The following PRKCE variants were observed in gnomAD, a reference collection of about 807,000 sequenced individuals.
PRKCE encodes protein kinase C epsilon, also known as protein kinase C epsilon type.
A neutral mutation model predicts 85.4 loss-of-function variants in PRKCE; 16 were observed. That is an observed-to-expected ratio of 0.19 (90% confidence interval 0.13 to 0.28). The LOEUF is 0.28. Among genes scored for constraint, PRKCE ranks in the 10% least tolerant of loss-of-function variants. The probability of loss-of-function intolerance (pLI) is 1.00; values close to 1 mark genes in which losing one functional copy is unlikely to be tolerated. For missense variants in PRKCE, 573 were observed against 975.2 expected, an observed-to-expected ratio of 0.59 and a Z score of 5.49; for synonymous variants, 388 against 371.5, an observed-to-expected ratio of 1.04 and a Z score of -0.51.
rs527671256 is a variant in PRKCE at position 46,152,265 on chromosome 2, T to G, written c.1920+1036T>G. 3.9e-5 allele frequency among the ~76,000 whole-genome samples: 6 copies of G among 151,918 alleles called. No individual in the cohort carries two copies. The East Asian group carries it at 1.2e-3, about 29-fold the overall frequency. On this transcript the variant is annotated intron_variant, in intron 13 of 14. Coordinates refer to ENST00000306156, the MANE Select transcript of PRKCE (RefSeq NM_005400.3). ...GGTGCTATCTTGGCTCACTGCAATCTCCTCCTCCCAGGTTCAAGTGATTCT... is the reference window on the plus strand; with the variant it reads ...GGTGCTATCTTGGCTCACTGCAATCGCCTCCTCCCAGGTTCAAGTGATTCT...
chr2:45,783,283 G>C (rs1482382106), intron 1 of PRKCE, among the ~76,000 whole-genome samples: 1 of 152,186 alleles, frequency 6.6e-6, no homozygotes, highest in African/African-American at 2.4e-5. Flanking sequence ...GCTATGGTAA[G>C]AATGCCGGTG....
chr2:45,913,685 T>C (rs1697545111), intron 2 of PRKCE, among the ~76,000 whole-genome samples: 2 of 152,250 alleles, frequency 1.3e-5, no homozygotes, highest in African/African-American at 4.8e-5. Context: ...TATCCATGCA[T>C]ATGTTCACTC....
chr2:46,101,998 A>G (rs1671284726), intron 11 of PRKCE, among the ~76,000 whole-genome samples: 2 of 152,152 alleles, frequency 1.3e-5, no homozygotes, highest in Admixed American at 1.3e-4. Flanking sequence ...TGAAATTTTA[A>G]CAATCTGCTC....
intron 1 of PRKCE, among the ~76,000 whole-genome samples, chr2:45,724,045 G>A (rs1423234875): frequency 2.0e-5 from 3 of 152,160 alleles, no homozygotes; most frequent in Non-Finnish European, 4.4e-5. Context: ...TCAGACTCTG[G>A]GCAGTGTGCT....
At chr2:45,737,513 C>T (rs564044007) in intron 1 of PRKCE, among the ~76,000 whole-genome samples, 3 of 152,298 alleles carry the variant, frequency 2.0e-5, no homozygotes, top group Admixed American at 6.5e-5. Flanking sequence ...GCCAACGGCC[C>T]GGGGCTCCTC....
intron 2 of PRKCE, among the ~76,000 whole-genome samples, chr2:45,930,897 C>T (rs530481834): frequency 2.0e-5 from 3 of 152,304 alleles, no homozygotes; most frequent in South Asian, 4.1e-4. Flanking sequence ...CAGATTCTTC[C>T]TTGCTCAGGG....
Position 46,001,284 on chromosome 2 carries a change from C to A in PRKCE, c.824-120C>A. The stretch of plus-strand genomic sequence containing the variant: ...ATATATATATATATTTCTGTATTTT[C>A]CAAATTATATCTTAAATGAACATGT... On this transcript the variant is annotated intron_variant, in intron 6 of 14. Transcript: ENST00000306156. The surrounding 1 kb of genome is among the most constrained non-coding windows in gnomAD (Gnocchi z 4.4). 1 of 806,558 alleles carries A rather than the reference C, an allele frequency of 1.2e-6. No individual in the cohort carries two copies. The highest frequency in any genetic ancestry group is 1.6e-6 in the Non-Finnish European group (1 of 606,962). 50.0% of individuals were successfully genotyped at this position (806,558 alleles called of 1,614,324 possible). A position where few individuals can be genotyped will look rare whatever the true frequency, so the allele number is the denominator to read the frequency against.
intron 1 of PRKCE, among the ~76,000 whole-genome samples, chr2:45,782,844 A>G (rs919113090): frequency 2.6e-5 from 4 of 152,168 alleles, no homozygotes; most frequent in Non-Finnish European, 5.9e-5. Context: ...ACATGTTGGC[A>G]TGTGATTTCT....
At chr2:45,968,199 T>C (rs55870111) in intron 2 of PRKCE, among the ~76,000 whole-genome samples, 4 of 152,096 alleles carry the variant, frequency 2.6e-5, no homozygotes, top group Admixed American at 6.5e-5. Flanking sequence ...TGCAAAGATA[T>C]GGAATCAATC....
chr2:45,843,304 C>T (rs1486399392), intron 2 of PRKCE, among the ~76,000 whole-genome samples: 2 of 152,214 alleles, frequency 1.3e-5, no homozygotes, highest in Non-Finnish European at 2.9e-5. Flanking sequence ...ATAAAACGGG[C>T]GTTTTTGCAC....
Position 45,946,709 on chromosome 2 carries a change from A to C in PRKCE, c.413-29720A>C, listed in dbSNP as rs192824864. ...ACCAGGTTGTGATAAAGGTACCAAT[A>C]TGACATGCTGGGTTAATAGCTCCCC... On this transcript the variant is annotated intron_variant, in intron 2 of 14. Transcript: ENST00000306156. Among the ~76,000 whole-genome samples, 12 of 152,324 alleles carry C rather than the reference A, an allele frequency of 7.9e-5. No homozygotes were observed. In the East Asian group the frequency reaches 2.3e-3, roughly 29 times the overall value.
intron 6 of PRKCE, among the ~76,000 whole-genome samples, chr2:45,995,049 G>A (rs768897028): frequency 1.3e-5 from 2 of 152,152 alleles, no homozygotes; most frequent in African/African-American, 2.4e-5. Context: ...ATGAAGTGGA[G>A]CATCTTCTCC....
chr2:45,937,785 C>T (rs77602106), intron 2 of PRKCE, among the ~76,000 whole-genome samples: 357 of 152,216 alleles, frequency 2.3e-3, no homozygotes, highest in African/African-American at 7.7e-3. Flanking sequence ...CATTATCGAA[C>T]GCCTACTGTG....
intron 10 of PRKCE, among the ~76,000 whole-genome samples, chr2:46,029,689 T>TA (rs973443720): frequency 4.6e-5 from 7 of 151,456 alleles, no homozygotes; most frequent in South Asian, 4.2e-4. Flanking sequence ...GTATGGGTTT[T>TA]TTTTTTTTTG....
chr2:46,130,790 C>G (rs1674361799), intron 11 of PRKCE, among the ~76,000 whole-genome samples: 1 of 152,328 alleles, frequency 6.6e-6, no homozygotes, highest in South Asian at 2.1e-4. Flanking sequence ...GTCCTGTACA[C>G]AGGTAGAAAG....
At position 45,865,904 on chromosome 2, in the gene PRKCE, A is replaced by C. The variant is rs191871895; in HGVS notation, c.412+22841A>C. On this transcript the variant is annotated intron_variant, in intron 2 of 14. Transcript: ENST00000306156. ...ACAATTAAAATTCACTGCAGCCTCA[A>C]CCTCACAGGCTCAAGTGATCCTACT... 6.8e-3 allele frequency among the ~76,000 whole-genome samples: 1,024 copies of C among 150,926 alleles called. 3 individuals are homozygous for C. The highest frequency in any genetic ancestry group is 0.01 in the Non-Finnish European group (689 of 67,832).
rs983798440 is a variant in PRKCE, at chr2:45,791,941, C to T, written c.349-51059C>T. Among the ~76,000 whole-genome samples the T allele has an allele frequency of 3.9e-5, 6 of 152,308 alleles. No individual in the cohort carries two copies. In the South Asian group the frequency reaches 1.2e-3, roughly 32 times the overall value. On this transcript the variant is annotated intron_variant, in intron 1 of 14. Coordinates refer to ENST00000306156, the MANE Select transcript of PRKCE (RefSeq NM_005400.3). Reference sequence around the variant, plus strand: ...AATGAGGATAATGGCACCTGTTCCACGGGGTATTTGTAAATGACCACATGC... The same window carrying T: ...AATGAGGATAATGGCACCTGTTCCATGGGGTATTTGTAAATGACCACATGC...
chr2:46,112,492 G>GTT (rs58558782), intron 11 of PRKCE, among the ~76,000 whole-genome samples: 24 of 128,882 alleles, frequency 1.9e-4, no homozygotes, highest in African/African-American at 6.0e-4. Context: ...TGTTTTTTTG[G>GTT]TTTTTTTTTT....
chr2:45,710,126 G>A (rs1679489056), intron 1 of PRKCE, among the ~76,000 whole-genome samples: 1 of 152,194 alleles, frequency 6.6e-6, no homozygotes, highest in African/African-American at 2.4e-5. Context: ...CACGTCCATA[G>A]CACTGGCTAG....
Sources: allele counts gnomAD v4.1 joint callset (sites outside exome capture counted in the v4.1 genomes callset), GRCh38; gene constraint gnomAD v4.1.1; non-coding constraint Gnocchi (gnomAD v3.1); transcripts MANE v1.5; gene names NCBI Gene and HGNC (gene_info 2026-07-23, HGNC 2026-07-21).